Variants in PGS1 observed in about 807,000 individuals in gnomAD.
The protein encoded by PGS1 is CDP-diacylglycerol--glycerol-3-phosphate 3-phosphatidyltransferase, mitochondrial.
PGS1 carries 44 observed loss-of-function variants against 58.3 expected under a neutral mutation model. The ratio of observed to expected loss-of-function variants is 0.75; its 90% CI spans 0.59 to 0.97. PGS1 has a LOEUF of 0.97. PGS1 is among the 50% of genes least tolerant of loss of function. PGS1 has a pLI of 0.00. For missense variants in PGS1, 684 were observed against 731.1 expected, an observed-to-expected ratio of 0.94 and a Z score of 0.74; for synonymous variants, 330 against 311.0, an observed-to-expected ratio of 1.06 and a Z score of -0.64.
intron 1 of PGS1, among the ~76,000 whole-genome samples, chr17:78,387,466 A>C (rs1024948222): frequency 6.2e-5 from 9 of 145,854 alleles, no homozygotes; most frequent in Non-Finnish European, 1.4e-4. Context: ...GGCCCGGCTA[A>C]TTTTGTATTT....
chr17:78,391,285 C>T (rs1190897864), intron 1 of PGS1, among the ~76,000 whole-genome samples: 1 of 151,886 alleles, frequency 6.6e-6, no homozygotes, highest in African/African-American at 2.4e-5. Context: ...CTCATTTGCT[C>T]CCGTCTCTCC....
intron 9 of PGS1, chr17:78,421,193 C>A (rs1002155694): frequency 6.6e-6 from 1 of 152,162 alleles, no homozygotes; most frequent in Non-Finnish European, 1.5e-5. Context: ...TCTCCATATC[C>A]CCCAGTGTCT....
At chr17:78,414,312 G>A (rs533108635) in intron 7 of PGS1, among the ~76,000 whole-genome samples, 2 of 152,362 alleles carry the variant, frequency 1.3e-5, no homozygotes, top group African/African-American at 2.4e-5. Context: ...CACATCTGCT[G>A]GCTTGGGTCG....
Position 78,423,167 on chromosome 17 carries a change from G to A in PGS1, c.*11-894G>A, listed in dbSNP as rs952972536. Among the ~76,000 whole-genome samples the A allele has an allele frequency of 3.8e-4, 57 of 151,258 alleles. 1 individual carries two copies. The highest frequency in any genetic ancestry group is 1.3e-3 in the African/African-American group (55 of 41,282). On this transcript the variant is annotated intron_variant, in intron 9 of 9. Coordinates refer to ENST00000262764, the MANE Select transcript of PGS1 (RefSeq NM_024419.5). ...CTGGGATCCGTCTTTTCTGACGTTT[G>A]CCGCTGTCTCCCCTCATCCCCCAGG...
At chr17:78,413,197 A>C (rs1350217251) in intron 7 of PGS1, among the ~76,000 whole-genome samples, 1 of 152,214 alleles carries the variant, frequency 6.6e-6, no homozygotes, top group African/African-American at 2.4e-5. Flanking sequence ...CCATTACAGG[A>C]ACAGGCGTAG....
At chr17:78,417,815 G>A (rs1381683708) in intron 8 of PGS1, among the ~76,000 whole-genome samples, 2 of 151,756 alleles carry the variant, frequency 1.3e-5, no homozygotes, top group African/African-American at 4.8e-5. Context: ...AACTGTGTGA[G>A]CGCTGCCAGG....
chr17:78,416,898 A>G (rs2085239872), intron 8 of PGS1, among the ~76,000 whole-genome samples: 1 of 152,152 alleles, frequency 6.6e-6, no homozygotes, highest in Non-Finnish European at 1.5e-5. Flanking sequence ...CCCACAACCC[A>G]GAAAGTCCCT....
chr17:78,405,983 T>C (rs1026859438), intron 7 of PGS1, among the ~76,000 whole-genome samples: 5 of 152,180 alleles, frequency 3.3e-5, no homozygotes, highest in Non-Finnish European at 5.9e-5. Context: ...TTTTGTTTTC[T>C]TTAAACCAAT....
chr17:78,424,157 C>G lies in PGS1; in HGVS notation c.*107C>G. 3.7e-6 allele frequency: 6 copies of G among 1,607,658 alleles called. No individual in the cohort carries two copies. The highest frequency in any genetic ancestry group is 5.1e-6 in the Non-Finnish European group (6 of 1,177,360). ...GTCTGGGTGTCCCAGCGAGCCCCTGCAGGGACAGTATGGCTGAGGGTCAGG... is the reference window on the plus strand; with the variant it reads ...GTCTGGGTGTCCCAGCGAGCCCCTGGAGGGACAGTATGGCTGAGGGTCAGG... On this transcript the variant is annotated 3_prime_UTR_variant, in exon 10 of 10. Coordinates refer to ENST00000262764, the MANE Select transcript of PGS1 (RefSeq NM_024419.5).
chr17:78,391,135 A>G (rs965648102), intron 1 of PGS1, among the ~76,000 whole-genome samples: 1 of 151,832 alleles, frequency 6.6e-6, no homozygotes, highest in African/African-American at 2.4e-5. Context: ...TTTAGTAGAG[A>G]TGGGGTTTCA....
At chr17:78,383,793 T>C (rs752696475) in intron 1 of PGS1, among the ~76,000 whole-genome samples, 2 of 152,254 alleles carry the variant, frequency 1.3e-5, no homozygotes, top group Non-Finnish European at 2.9e-5. Flanking sequence ...TACAACGGAC[T>C]GACTTTCTCA....
At chr17:78,423,296 GTCCGGGGCTT>G (rs1161976313) in intron 9 of PGS1, among the ~76,000 whole-genome samples, 1 of 152,150 alleles carries the variant, frequency 6.6e-6, no homozygotes, top group Non-Finnish European at 1.5e-5. Flanking sequence ...AGTCCTACAG[GTCCGGGGCTT>G]GCTTGTGGGA....
In PGS1 at chr17:78,403,581, G is replaced by A; in HGVS notation, c.894G>A (p.Glu298=). The A allele has an allele frequency of 6.2e-7, 1 of 1,610,722 alleles. No homozygotes were observed. The highest frequency in any genetic ancestry group is 1.7e-5 in the Admixed American group (1 of 59,986). Residue 298 remains glutamate, a synonymous_variant, in exon 7 of 10, where the codon GAG becomes GAA. Transcript: ENST00000262764. ...MVHPYKGDRA[E]YCKAANKRVM... ...CGTCTTCCCCAGGGGACCGGGCCGA[G>A]TACTGCAAGGCAGCCAATAAGAGGG...
chr17:78,403,104 A>T (rs964841553), intron 6 of PGS1, among the ~76,000 whole-genome samples: 1 of 152,100 alleles, frequency 6.6e-6, no homozygotes, highest in Non-Finnish European at 1.5e-5. Context: ...TTATACTTGC[A>T]TGTCTTTATT....
intron 6 of PGS1, among the ~76,000 whole-genome samples, chr17:78,401,207 G>C (rs1053081778): frequency 1.3e-5 from 2 of 152,112 alleles, no homozygotes; most frequent in Admixed American, 1.3e-4. Flanking sequence ...CTAGCAGGGG[G>C]GTGACAAACT....
intron 7 of PGS1, among the ~76,000 whole-genome samples, chr17:78,407,493 T>C (rs1338980299): frequency 6.6e-6 from 1 of 152,246 alleles, no homozygotes; most frequent in African/African-American, 2.4e-5. Context: ...CCTGACTGTC[T>C]GCCCTTTGCA....
At chr17:78,423,046 C>T (rs76691700) in intron 9 of PGS1, among the ~76,000 whole-genome samples, 314 of 150,880 alleles carry the variant, frequency 2.1e-3, no homozygotes, top group Non-Finnish European at 3.6e-3. Flanking sequence ...CAACGTGAGC[C>T]GAGATTGCGT....
At chr17:78,395,020 C>T (rs773692344) in intron 2 of PGS1, among the ~76,000 whole-genome samples, 3 of 151,422 alleles carry the variant, frequency 2.0e-5, no homozygotes, top group South Asian at 2.1e-4. Flanking sequence ...CTCAGCAGGC[C>T]GAGAAGACCC....
chr17:78,423,726 C>T, intron 9 of PGS1: 1 of 759,106 alleles, frequency 1.3e-6, no homozygotes, highest in Non-Finnish European at 2.1e-6. Context: ...TAATCTGCCC[C>T]ACCTCTTCCA....
Sources: gnomAD v4.1 joint callset for allele counts (sites outside exome capture counted in the v4.1 genomes callset) on GRCh38, gnomAD v4.1.1 for gene constraint, MANE v1.5 for transcripts, NCBI Gene and HGNC (gene_info 2026-07-23, HGNC 2026-07-21) for gene names.